PIGX: variants seen among roughly 807,000 people sequenced by gnomAD.
PIGX encodes GPI alpha-1,4-mannosyltransferase I, stabilizing subunit.
A neutral mutation model predicts 28.7 loss-of-function variants in PIGX; 24 were observed. The observed-to-expected ratio is 0.84, with a 90% CI of 0.60 to 1.17. The LOEUF is 1.17. Ranked by LOEUF, PIGX falls within the 50% of genes most tolerant of loss-of-function variation. PIGX has a pLI of 0.00. For missense variants in PIGX, 305 were observed against 317.8 expected (o/e 0.96, Z 0.31); for synonymous variants, 127 against 121.0 (o/e 1.05, Z -0.33).
intron 1 of PIGX, among the ~76,000 whole-genome samples, chr3:196,714,027 G>A (rs750804419): frequency 1.1e-4 from 17 of 152,026 alleles, no homozygotes; most frequent in Non-Finnish European, 1.3e-4. Flanking sequence ...GCCTTTCTCC[G>A]GTCCCAATGA....
At chr3:196,715,176 A>G (rs1320628024) in intron 1 of PIGX, among the ~76,000 whole-genome samples, 1 of 152,238 alleles carries the variant, frequency 6.6e-6, no homozygotes, top group Non-Finnish European at 1.5e-5. Context: ...TATTCAGGAA[A>G]AGATCATATG....
chr3:196,731,016 C>A lies in PIGX; in HGVS notation c.557C>A (p.Ala186Asp). Reference sequence around the variant, plus strand: ...GAGTTCCCGATTTTGAAATGCTGGGCTCACTCAGAAGTGGCAGCCCCTTGT... The same window carrying A: ...GAGTTCCCGATTTTGAAATGCTGGGATCACTCAGAAGTGGCAGCCCCTTGT... Residue 186 changes from alanine (A) to aspartate (D), a missense_variant, in exon 5 of 6, where the codon GCT (alanine) becomes GAT (aspartate). By Grantham distance (126) the Ala-to-Asp change is moderately radical. Coordinates refer to ENST00000392391, the MANE Select transcript of PIGX (RefSeq NM_017861.4). The A allele has an allele frequency of 6.2e-7, 1 of 1,610,564 alleles. No homozygotes were observed. Among genetic ancestry groups the A allele is most frequent in the Non-Finnish European group, 8.5e-7 (1 of 1,177,034 alleles).
At position 196,716,947 on chromosome 3, in the gene PIGX, C is replaced by A. The variant is rs376772694; in HGVS notation, c.176+26C>A. The stretch of plus-strand genomic sequence containing the variant: ...GTAAGTTGCCTGTTGATTTCTATTT[C>A]TATTAAAATAATGTGTCATATAATT... On this transcript the variant is annotated intron_variant, in intron 2 of 5. Transcript: ENST00000392391. 43 of 1,367,234 alleles carry A rather than the reference C, an allele frequency of 3.1e-5. No individual in the cohort carries two copies. The African/African-American group carries it at 5.3e-4, about 17-fold the overall frequency. 84.7% of individuals were successfully genotyped at this position (1,367,234 alleles called of 1,614,324 possible). A position where few individuals can be genotyped will look rare whatever the true frequency, so the allele number is the denominator to read the frequency against.
intron 2 of PIGX, chr3:196,721,238 C>CT (rs749137908): frequency 1.2e-5 from 4 of 342,054 alleles, no homozygotes; most frequent in Admixed American, 4.2e-5. Flanking sequence ...GAGGCGGTTC[C>CT]TTTTTTCTCC....
At chr3:196,728,410 T>G (rs1712612292) in intron 4 of PIGX, 1 of 590,264 alleles carries the variant, frequency 1.7e-6, no homozygotes, top group Non-Finnish European at 3.0e-6. Context: ...TCCTTCCCTC[T>G]AAGACGAACC....
At chr3:196,730,488 GCCTGTAATCCCAACA>G (rs1163095960) in intron 4 of PIGX, among the ~76,000 whole-genome samples, 2 of 152,034 alleles carry the variant, frequency 1.3e-5, no homozygotes, top group African/African-American at 4.8e-5. Flanking sequence ...AGTGGCTCAC[GCCTGTAATCCCAACA>G]CTTTGGGAAA....
chr3:196,730,400 G>C (rs1355875640), intron 4 of PIGX, among the ~76,000 whole-genome samples: 2 of 152,016 alleles, frequency 1.3e-5, no homozygotes, highest in African/African-American at 4.8e-5. Context: ...TCAAAAATAA[G>C]TTTACATTAA....
rs762652108 is a variant in PIGX, at chr3:196,727,959, CCTAA to C, written c.359_362del (p.Asn120IlefsTer52). The C allele has an allele frequency of 1.6e-5, 26 of 1,613,360 alleles. No individual in the cohort carries two copies. The highest frequency in any genetic ancestry group is 5.0e-5 in the Admixed American group (3 of 59,984). ...TTCAGAAAATTTTGATATAGAGGCC[CCTAA>C]CTATTTGTCCAAGGAGTCTGAAGTT... On this transcript the variant is annotated frameshift_variant, in exon 4 of 6. Coordinates refer to ENST00000392391, the MANE Select transcript of PIGX (RefSeq NM_017861.4). LOFTEE classifies it high-confidence loss of function.
At chr3:196,719,188 T>C (rs1223659556) in intron 2 of PIGX, among the ~76,000 whole-genome samples, 1 of 152,124 alleles carries the variant, frequency 6.6e-6, no homozygotes, top group African/African-American at 2.4e-5. Flanking sequence ...ATTAGACCGT[T>C]TATTTTTAAT....
chr3:196,729,384 C>G (rs890282365), intron 4 of PIGX, among the ~76,000 whole-genome samples: 2 of 151,528 alleles, frequency 1.3e-5, no homozygotes, highest in African/African-American at 4.8e-5. Context: ...TTGCAGTCTT[C>G]TCAAGATGTT....
chr3:196,726,886 G>A (rs1288065475), intron 3 of PIGX: 1 of 223,616 alleles, frequency 4.5e-6, no homozygotes, highest in Non-Finnish European at 9.3e-6. Context: ...TCAAGCAGTG[G>A]CGGTATACCT....
intron 4 of PIGX, among the ~76,000 whole-genome samples, chr3:196,729,136 A>T (rs1019418229): frequency 6.6e-6 from 1 of 152,006 alleles, no homozygotes; most frequent in Admixed American, 6.6e-5. Context: ...GTTCGAGACC[A>T]GCCTGACCAA....
At chr3:196,719,809 T>C (rs1712241330) in intron 2 of PIGX, among the ~76,000 whole-genome samples, 2 of 152,076 alleles carry the variant, frequency 1.3e-5, no homozygotes, top group Non-Finnish European at 2.9e-5. Flanking sequence ...TTTTTTTTTT[T>C]GGTATGGGGT....
In PIGX at chr3:196,734,116, TA is replaced by T; in HGVS notation, c.*216del. The stretch of plus-strand genomic sequence containing the variant: ...GGTAATCCTCAAGCATCAGATGCCA[TA>T]AGGGGAAACTTAATTCTGCTAAATT... On this transcript the variant is annotated 3_prime_UTR_variant, in exon 6 of 6. Coordinates refer to ENST00000392391, the MANE Select transcript of PIGX (RefSeq NM_017861.4). The T allele has an allele frequency of 2.3e-6, 1 of 426,190 alleles. No homozygotes were observed. The highest frequency in any genetic ancestry group is 4.1e-6 in the Non-Finnish European group (1 of 241,178). 26.4% of individuals were successfully genotyped at this position (426,190 alleles called of 1,614,324 possible). A position where few individuals can be genotyped will look rare whatever the true frequency, so the allele number is the denominator to read the frequency against.
In PIGX at chr3:196,731,039, T is replaced by TG. The variant is rs748245905; in HGVS notation, c.581dup (p.Cys194TrpfsTer6). On this transcript the variant is annotated frameshift_variant, in exon 5 of 6. Transcript: ENST00000392391. LOFTEE classifies it high-confidence loss of function. Reference sequence around the variant, plus strand: ...GGCTCACTCAGAAGTGGCAGCCCCTTGTGCTTTGGAGAATGAGGATATCTG... The same window carrying TG: ...GGCTCACTCAGAAGTGGCAGCCCCTTGGTGCTTTGGAGAATGAGGATATCTG... 6.2e-7 allele frequency: 1 copy of TG among 1,612,196 alleles called. No individual in the cohort carries two copies. Among genetic ancestry groups the TG allele is most frequent in the Non-Finnish European group, 8.5e-7 (1 of 1,178,316 alleles).
At chr3:196,724,662 T>G (rs527276195) in intron 3 of PIGX, among the ~76,000 whole-genome samples, 1 of 152,222 alleles carries the variant, frequency 6.6e-6, no homozygotes, top group Non-Finnish European at 1.5e-5. Context: ...ATTATAAGCC[T>G]TGTAAGTGTA....
chr3:196,713,308 G>T (rs543778442), intron 1 of PIGX, among the ~76,000 whole-genome samples: 4 of 2,652 alleles, frequency 1.5e-3, no homozygotes, highest in Admixed American at 0.01. Flanking sequence ...AGGCCAAGAA[G>T]ATTTTTTTTT....
At chr3:196,720,416 T>G (rs1712276972) in intron 2 of PIGX, among the ~76,000 whole-genome samples, 1 of 152,250 alleles carries the variant, frequency 6.6e-6, no homozygotes, top group African/African-American at 2.4e-5. Flanking sequence ...CCATTGTATG[T>G]TTGTACCACA....
chr3:196,721,727 A>G (rs1415445729), intron 2 of PIGX, among the ~76,000 whole-genome samples: 5 of 150,698 alleles, frequency 3.3e-5, no homozygotes, highest in African/African-American at 9.9e-5. Context: ...GATTACAGGC[A>G]TGAGCCACCA....
Sources: allele counts gnomAD v4.1 joint callset (sites outside exome capture counted in the v4.1 genomes callset), GRCh38; gene constraint gnomAD v4.1.1; transcripts MANE v1.5; gene names NCBI Gene and HGNC (gene_info 2026-07-23, HGNC 2026-07-21).